KCTD16: variants seen among roughly 807,000 people sequenced by gnomAD.
The protein encoded by KCTD16 is BTB/POZ domain-containing protein KCTD16.
In KCTD16, 13 loss-of-function variants were observed where a neutral mutation model predicts 33.2. The ratio of observed to expected loss-of-function variants is 0.39; its 90% CI spans 0.25 to 0.62. The LOEUF is 0.62. KCTD16 is among the 20% of genes least tolerant of loss of function. The probability of loss-of-function intolerance (pLI) is 0.50; values close to 1 mark genes in which losing one functional copy is unlikely to be tolerated. For synonymous variants in KCTD16, 197 were observed against 195.3 expected, an observed-to-expected ratio of 1.01 and a Z score of -0.07; for missense variants, 441 against 525.1, an observed-to-expected ratio of 0.84 and a Z score of 1.57.
chr5:144,184,881 T>TC (rs1467769352), intron 2 of KCTD16, among the ~76,000 whole-genome samples: 2 of 148,416 alleles, frequency 1.3e-5, no homozygotes, highest in Non-Finnish European at 3.0e-5. Context: ...AGTTACTTCC[T>TC]CTGTCTACAG....
At chr5:144,265,815 T>A (rs901791064) in intron 3 of KCTD16, among the ~76,000 whole-genome samples, 21 of 152,218 alleles carry the variant, frequency 1.4e-4, no homozygotes, top group Non-Finnish European at 2.8e-4. Flanking sequence ...TTGTATTGTC[T>A]CATTGAGAAA....
intron 2 of KCTD16, among the ~76,000 whole-genome samples, chr5:144,195,389 A>G (rs1231999545): frequency 1.3e-5 from 2 of 152,216 alleles, no homozygotes; most frequent in African/African-American, 4.8e-5. Flanking sequence ...CCTTGGGGGC[A>G]TCTGAGGTTG....
At chr5:144,238,027 C>T (rs1280194569) in intron 3 of KCTD16, among the ~76,000 whole-genome samples, 2 of 152,162 alleles carry the variant, frequency 1.3e-5, no homozygotes, top group Non-Finnish European at 2.9e-5. Flanking sequence ...TGGCATTTTT[C>T]CCACATGGGG....
At chr5:144,421,567 G>T (rs1753210904) in intron 3 of KCTD16, among the ~76,000 whole-genome samples, 2 of 152,116 alleles carry the variant, frequency 1.3e-5, no homozygotes, top group Non-Finnish European at 2.9e-5. Flanking sequence ...GTAAGAGAGT[G>T]ACTCAGTGCT....
intron 3 of KCTD16, among the ~76,000 whole-genome samples, chr5:144,230,616 A>C (rs886498164): frequency 1.3e-5 from 2 of 152,098 alleles, no homozygotes; most frequent in Non-Finnish European, 2.9e-5. Flanking sequence ...TCTTTTCTTA[A>C]TTGGGAATGC....
At chr5:144,422,787 A>T (rs2126963318) in intron 3 of KCTD16, among the ~76,000 whole-genome samples, 1 of 152,302 alleles carries the variant, frequency 6.6e-6, no homozygotes, top group Non-Finnish European at 1.5e-5. Context: ...ATCTAATGAT[A>T]TGTCAAAATA....
In KCTD16 at chr5:144,207,434, G is replaced by A. The variant is rs1261745324; in HGVS notation, c.720G>A (p.Leu240=). The A allele has an allele frequency of 4.3e-6, 7 of 1,614,096 alleles. No individual in the cohort carries two copies. The highest frequency in any genetic ancestry group is 5.9e-6 in the Non-Finnish European group (7 of 1,180,054). ...ACCTGGAAAGGGCTTTTGATATGTT[G>A]TCAGAGTGTGGATTCCACATGGTGG... ...FKHLERAFDM[L]SECGFHMVAC... The change falls in exon 3 of 4, where the codon TTG becomes TTA. Residue 240 remains leucine (L), a synonymous_variant. Coordinates refer to ENST00000512467, the MANE Select transcript of KCTD16 (RefSeq NM_020768.4).
chr5:144,331,098 C>T (rs1295782261), intron 3 of KCTD16, among the ~76,000 whole-genome samples: 1 of 152,154 alleles, frequency 6.6e-6, no homozygotes, highest in African/African-American at 2.4e-5. Context: ...GAAAATAGAG[C>T]AAAAGCATGG....
At chr5:144,286,255 T>C (rs1224076601) in intron 3 of KCTD16, among the ~76,000 whole-genome samples, 1 of 152,146 alleles carries the variant, frequency 6.6e-6, no homozygotes, top group Non-Finnish European at 1.5e-5. Context: ...TATCTTCACT[T>C]TATATTTTTT....
intron 3 of KCTD16, among the ~76,000 whole-genome samples, chr5:144,410,663 A>G (rs956706414): frequency 6.6e-5 from 10 of 152,144 alleles, no homozygotes; most frequent in African/African-American, 1.7e-4. Flanking sequence ...TGATGTGTCA[A>G]GTTCCTCAAG....
chr5:144,272,747 C>T (rs1755332709), intron 3 of KCTD16, among the ~76,000 whole-genome samples: 1 of 152,080 alleles, frequency 6.6e-6, no homozygotes, highest in Admixed American at 6.6e-5. Context: ...GTCATTTCAA[C>T]AAATGGTTCT....
At chr5:144,254,345 G>A (rs1442546578) in intron 3 of KCTD16, among the ~76,000 whole-genome samples, 1 of 151,348 alleles carries the variant, frequency 6.6e-6, no homozygotes, top group Non-Finnish European at 1.5e-5. Context: ...GGGTTTCACA[G>A]TGTTTGCCAG....
chr5:144,459,222 C>T (rs1254532029), intron 3 of KCTD16, among the ~76,000 whole-genome samples: 1 of 152,126 alleles, frequency 6.6e-6, no homozygotes, highest in Non-Finnish European at 1.5e-5. Flanking sequence ...ATCTGGAAAT[C>T]TATGTCAGAA....
At chr5:144,220,812 G>A (rs1753724078) in intron 3 of KCTD16, among the ~76,000 whole-genome samples, 1 of 152,014 alleles carries the variant, frequency 6.6e-6, no homozygotes, top group Non-Finnish European at 1.5e-5. Context: ...GTGGTGGCGG[G>A]CACCTGTAGT....
At chr5:144,433,974 G>GAGAAGTGGTTCT (rs1753523463) in intron 3 of KCTD16, among the ~76,000 whole-genome samples, 1 of 152,082 alleles carries the variant, frequency 6.6e-6, no homozygotes, top group South Asian at 2.1e-4. Flanking sequence ...GAAAGAACTC[G>GAGAAGTGGTTCT]AGAAGTGGTT....
intron 3 of KCTD16, among the ~76,000 whole-genome samples, chr5:144,439,795 A>G (rs1753660471): frequency 6.6e-6 from 1 of 152,130 alleles, no homozygotes; most frequent in African/African-American, 2.4e-5. Flanking sequence ...TGTTACAGGT[A>G]TCGTGTAAAC....
chr5:144,324,676 A>G (rs1418995501), intron 3 of KCTD16, among the ~76,000 whole-genome samples: 1 of 152,256 alleles, frequency 6.6e-6, no homozygotes, highest in East Asian at 1.9e-4. Context: ...AAATAAACCC[A>G]AATACCCATC....
chr5:144,229,465 G>C (rs1223790515), intron 3 of KCTD16, among the ~76,000 whole-genome samples: 2 of 152,156 alleles, frequency 1.3e-5, no homozygotes, highest in Non-Finnish European at 2.9e-5. Flanking sequence ...TAAAGGGAAT[G>C]ACTAAAGGAG....
chr5:144,242,512 T>G (rs2126822876), intron 3 of KCTD16, among the ~76,000 whole-genome samples: 1 of 152,320 alleles, frequency 6.6e-6, no homozygotes, highest in African/African-American at 2.4e-5. Context: ...ATTCATACAG[T>G]CAATACTAAT....
Sources: allele counts gnomAD v4.1 joint callset (sites outside exome capture counted in the v4.1 genomes callset), GRCh38; gene constraint gnomAD v4.1.1; transcripts MANE v1.5; gene names NCBI Gene and HGNC (gene_info 2026-07-23, HGNC 2026-07-21).